Variants in USP37 observed in about 807,000 individuals in gnomAD.
The protein encoded by USP37 is ubiquitin carboxyl-terminal hydrolase 37.
In USP37, 27 loss-of-function variants were observed where a neutral mutation model predicts 124.0. That is an observed-to-expected ratio of 0.22 (90% CI 0.16 to 0.30). USP37 has a LOEUF of 0.30. USP37 is among the 10% of genes least tolerant of loss of function. The pLI is 1.00. For synonymous variants in USP37, 365 were observed against 388.0 expected (o/e 0.94, Z 0.70); for missense variants, 889 against 1,140.4 (o/e 0.78, Z 3.17).
intron 9 of USP37, among the ~76,000 whole-genome samples, chr2:218,531,768 C>T (rs879885739): frequency 6.6e-6 from 1 of 152,192 alleles, no homozygotes; most frequent in Non-Finnish European, 1.5e-5. Flanking sequence ...CCAACCTTCA[C>T]GGATAACCTT....
At chr2:218,495,566 G>A (rs910925462) in intron 14 of USP37, among the ~76,000 whole-genome samples, 194 bp downstream of exon 14, 2 of 152,196 alleles carry the variant, frequency 1.3e-5, no homozygotes, top group Non-Finnish European at 2.9e-5. Context: ...TGAGGTAGGA[G>A]GATCACTTGA....
At position 218,497,960 on chromosome 2, in the gene USP37, A is replaced by C. The variant is rs1192080748; in HGVS notation, c.1157+66T>G. The C allele has an allele frequency of 1.3e-5, 20 of 1,568,712 alleles. No homozygotes were observed. The Admixed American group carries it at 3.7e-4, about 29-fold the overall frequency. Reference sequence around the variant, plus strand: ...GGCACAGAAAATTTTTGAGTGTCTAAAATTCCATTATTCTATAATCAATGA... The same window carrying C: ...GGCACAGAAAATTTTTGAGTGTCTACAATTCCATTATTCTATAATCAATGA... On this transcript the variant is annotated intron_variant, in intron 12 of 25. Transcript: ENST00000258399.
Position 218,558,486 on chromosome 2 carries a change from A to C in USP37, c.156+12T>G. 6.2e-7 allele frequency: 1 copy of C among 1,605,932 alleles called. No individual in the cohort carries two copies. Among genetic ancestry groups the C allele is most frequent in the African/African-American group, 1.3e-5 (1 of 74,778 alleles). On this transcript the variant is annotated intron_variant, in intron 4 of 25. Transcript: ENST00000258399. ...GCTTCAAGAGCTATTCCAAATCAATATTTGGTATTACCTGAAATATCCTTG... is the reference window on the plus strand; with the variant it reads ...GCTTCAAGAGCTATTCCAAATCAATCTTTGGTATTACCTGAAATATCCTTG...
intron 6 of USP37, among the ~76,000 whole-genome samples, chr2:218,548,943 A>C (rs1325123069): frequency 3.9e-5 from 6 of 152,216 alleles, no homozygotes. Flanking sequence ...CAAAATAATT[A>C]TGCTGAGGGA....
At chr2:218,540,395 TG>T (rs1691909502) in intron 8 of USP37, among the ~76,000 whole-genome samples, 1 of 152,118 alleles carries the variant, frequency 6.6e-6, no homozygotes, top group South Asian at 2.1e-4. Context: ...CCCAGCACTT[TG>T]GGAGGCCAGG....
chr2:218,555,732 T>C (rs1021111669), intron 4 of USP37, among the ~76,000 whole-genome samples: 1 of 152,154 alleles, frequency 6.6e-6, no homozygotes, highest in Non-Finnish European at 1.5e-5. Context: ...GACCTCTCTG[T>C]TGGAGCTCCA....
chr2:218,550,618 A>C (rs1692611808), intron 5 of USP37, among the ~76,000 whole-genome samples: 1 of 144,812 alleles, frequency 6.9e-6, no homozygotes, highest in Non-Finnish European at 1.5e-5. Context: ...TACAGTCCTC[A>C]AAAAAAAAAG....
Position 218,451,081 on chromosome 2 carries a change from G to C in USP37, c.*3849C>G, listed in dbSNP as rs1433223904. ...CCAATAAAAAATATATATTTTTTCAGATGTTAATAAGACATATCAGTAGAG... is the reference window on the plus strand; with the variant it reads ...CCAATAAAAAATATATATTTTTTCACATGTTAATAAGACATATCAGTAGAG... On this transcript the variant is annotated 3_prime_UTR_variant, in exon 26 of 26. Coordinates refer to ENST00000258399, the MANE Select transcript of USP37 (RefSeq NM_020935.3). The C allele has an allele frequency of 6.6e-6, 1 of 152,088 alleles. No individual in the cohort carries two copies. Among genetic ancestry groups the C allele is most frequent in the Non-Finnish European group, 1.5e-5 (1 of 68,006 alleles). The allele number at this position is 152,088 out of a possible 1,614,324, so 9.4% of individuals were successfully genotyped here.
At chr2:218,561,804 A>G (rs1693327227) in intron 2 of USP37, among the ~76,000 whole-genome samples, 1 of 152,214 alleles carries the variant, frequency 6.6e-6, no homozygotes, top group African/African-American at 2.4e-5. Flanking sequence ...TGTGACGTAG[A>G]GGCCCTTCAG....
intron 8 of USP37, among the ~76,000 whole-genome samples, chr2:218,541,512 A>C (rs542783539): frequency 6.6e-6 from 1 of 152,300 alleles, no homozygotes; most frequent in Admixed American, 6.5e-5. Context: ...GCACATGGTG[A>C]CCAAAGGCTC....
rs909757981 is a variant in USP37 at position 218,562,419 on chromosome 2, G to T, written c.-89+254C>A. 1.1e-4 allele frequency among the ~76,000 whole-genome samples: 17 copies of T among 152,218 alleles called. 1 individual carries two copies. The East Asian group carries it at 3.3e-3, about 29-fold the overall frequency. On this transcript the variant is annotated intron_variant, in intron 2 of 25. Transcript: ENST00000258399. ...TTTCTTCACAATTATTAAAATTACT[G>T]TTCAACTTTGAGCATCACCATGAAT...
Position 218,558,685 on chromosome 2 carries a change from A to G in USP37, c.-24-8T>C. The G allele has an allele frequency of 6.4e-7, 1 of 1,573,196 alleles. No homozygotes were observed. Among genetic ancestry groups the G allele is most frequent in the East Asian group, 2.3e-5 (1 of 44,316 alleles). On this transcript the variant is annotated splice_polypyrimidine_tract_variant and splice_region_variant and intron_variant, in intron 3 of 25. Transcript: ENST00000258399. ...TTTAAAAATTGCTTCTGGCTAAATTAAAAAGCAAAAATATACCTTTACCTG... is the reference window on the plus strand; with the variant it reads ...TTTAAAAATTGCTTCTGGCTAAATTGAAAAGCAAAAATATACCTTTACCTG...
intron 16 of USP37, among the ~76,000 whole-genome samples, chr2:218,484,742 T>C (rs1691462027): frequency 1.3e-5 from 2 of 151,434 alleles, no homozygotes; most frequent in Admixed American, 1.3e-4. Context: ...GTTCCAGAAA[T>C]TCCACACTTA....
At chr2:218,511,580 G>A (rs1235847781) in intron 10 of USP37, among the ~76,000 whole-genome samples, 1 of 152,140 alleles carries the variant, frequency 6.6e-6, no homozygotes, top group Non-Finnish European at 1.5e-5. Context: ...AAAGTGCTAG[G>A]ATTACAGGCG....
chr2:218,499,171 G>C (rs1043939092), intron 11 of USP37, among the ~76,000 whole-genome samples: 6 of 152,154 alleles, frequency 3.9e-5, no homozygotes, highest in African/African-American at 1.4e-4. Flanking sequence ...CTACTTGGGA[G>C]GCTGAAGCAA....
chr2:218,502,443 T>C (rs1689441514), intron 11 of USP37, among the ~76,000 whole-genome samples: 1 of 151,892 alleles, frequency 6.6e-6, no homozygotes, highest in Admixed American at 6.6e-5. Context: ...CGATATCAAA[T>C]ACAATTATAT....
chr2:218,505,411 G>A (rs547206476), intron 11 of USP37, among the ~76,000 whole-genome samples: 42 of 152,184 alleles, frequency 2.8e-4, no homozygotes, highest in Non-Finnish European at 6.0e-4. Context: ...CATCATTTAC[G>A]TTTTTGTCAA....
At chr2:218,537,775 A>G (rs188791342) in intron 8 of USP37, among the ~76,000 whole-genome samples, 1 of 152,292 alleles carries the variant, frequency 6.6e-6, no homozygotes, top group Non-Finnish European at 1.5e-5. Context: ...GACAATGTGT[A>G]GAGTCACCCA....
Position 218,453,023 on chromosome 2 carries a change from T to C in USP37, c.*1907A>G, listed in dbSNP as rs1035130517. 1 of 152,232 alleles carries C rather than the reference T, an allele frequency of 6.6e-6. No individual in the cohort carries two copies. The highest frequency in any genetic ancestry group is 2.4e-5 in the African/African-American group (1 of 41,452). The allele number at this position is 152,232 out of a possible 1,614,324, so 9.4% of individuals were successfully genotyped here. A position where few individuals can be genotyped will look rare whatever the true frequency, so the allele number is the denominator to read the frequency against. On this transcript the variant is annotated 3_prime_UTR_variant, in exon 26 of 26. Transcript: ENST00000258399. ...ACTACTCTGGCGTTTTCTACCACTC[T>C]ACCATTTTGGAACATTCATTACAAT...
Sources: gnomAD v4.1 joint callset for allele counts (sites outside exome capture counted in the v4.1 genomes callset) on GRCh38, gnomAD v4.1.1 for gene constraint, MANE v1.5 for transcripts, NCBI Gene and HGNC (gene_info 2026-07-23, HGNC 2026-07-21) for gene names.